The following DOCK2 variants were observed in gnomAD, a reference collection of about 807,000 sequenced individuals.
DOCK2 encodes dedicator of cytokinesis protein 2.
Under a neutral mutation model 248.9 loss-of-function variants are expected in DOCK2, and 87 were observed. The observed-to-expected ratio is 0.35, with a 90% confidence interval of 0.29 to 0.42. The LOEUF is 0.42. Ranked by LOEUF, DOCK2 falls within the 10% of genes least tolerant of loss-of-function variation. DOCK2 has a pLI of 1.00. For synonymous variants in DOCK2, 805 were observed against 821.6 expected, an observed-to-expected ratio of 0.98 and a Z score of 0.35; for missense variants, 1,747 against 2,300.2, an observed-to-expected ratio of 0.76 and a Z score of 4.92.
chr5:169,703,259 G>A (rs1394260988), intron 14 of DOCK2, among the ~76,000 whole-genome samples: 1 of 152,198 alleles, frequency 6.6e-6, no homozygotes, highest in African/African-American at 2.4e-5. Context: ...GAAGATGGAA[G>A]AGGCATCATT....
chr5:169,941,286 C>A (rs951316611), intron 27 of DOCK2, among the ~76,000 whole-genome samples: 2 of 152,164 alleles, frequency 1.3e-5, no homozygotes, highest in African/African-American at 4.8e-5. Flanking sequence ...CGGCTCACTA[C>A]AACCTCTGCC....
At chr5:169,667,445 G>A (rs989654063) in intron 2 of DOCK2, among the ~76,000 whole-genome samples, 4 of 152,234 alleles carry the variant, frequency 2.6e-5, no homozygotes, top group Admixed American at 1.3e-4. Flanking sequence ...AGGATTAAAT[G>A]AGAGAATGCC....
chr5:169,674,502 C>G (rs1759223242), intron 6 of DOCK2, 57 bp downstream of exon 6: 4 of 1,598,700 alleles, frequency 2.5e-6, no homozygotes, highest in Non-Finnish European at 8.5e-7. Context: ...CTCTTTCTTC[C>G]CTCTCTCCCC....
At chr5:169,725,618 A>G (rs1222529664) in intron 22 of DOCK2, among the ~76,000 whole-genome samples, 3 of 152,062 alleles carry the variant, frequency 2.0e-5, no homozygotes, top group Admixed American at 1.3e-4. Context: ...TCAGCTCATC[A>G]TTTACATTAG....
At chr5:170,047,733 T>A in intron 40 of DOCK2, 119 bp downstream of exon 40, 1 of 836,928 alleles carries the variant, frequency 1.2e-6, no homozygotes, top group Non-Finnish European at 1.8e-6. Context: ...TCTGTCTGAG[T>A]GCTGCCCCCA....
chr5:169,814,128 GATT>G (rs1434740442), intron 26 of DOCK2, among the ~76,000 whole-genome samples: 5 of 152,218 alleles, frequency 3.3e-5, no homozygotes, highest in African/African-American at 1.2e-4. Context: ...AGTATCCACT[GATT>G]AATGGCACAG....
chr5:170,047,734 G>C (rs1392917457), intron 40 of DOCK2, 120 bp downstream of exon 40: 2 of 822,836 alleles, frequency 2.4e-6, no homozygotes, highest in Non-Finnish European at 3.8e-6. Flanking sequence ...CTGTCTGAGT[G>C]CTGCCCCCAT....
chr5:169,850,664 C>T (rs368854801), intron 27 of DOCK2, among the ~76,000 whole-genome samples: 1 of 152,138 alleles, frequency 6.6e-6, no homozygotes, highest in South Asian at 2.1e-4. Flanking sequence ...TGCAAGTTTT[C>T]TGGAGGCGGA....
chr5:169,668,788 A>G (rs1438213836), intron 2 of DOCK2, among the ~76,000 whole-genome samples: 3 of 152,204 alleles, frequency 2.0e-5, no homozygotes, highest in Non-Finnish European at 1.5e-5. Context: ...ACTTTTGTAA[A>G]TCGCATTTTA....
intron 33 of DOCK2, among the ~76,000 whole-genome samples, chr5:170,023,896 C>G (rs1755815090): frequency 6.6e-6 from 1 of 152,176 alleles, no homozygotes; most frequent in Non-Finnish European, 1.5e-5. Flanking sequence ...TTCTACAGGG[C>G]TGGACTCCAA....
chr5:169,775,387 G>A (rs932514802), intron 25 of DOCK2, among the ~76,000 whole-genome samples: 5 of 152,180 alleles, frequency 3.3e-5, no homozygotes, highest in Admixed American at 2.6e-4. Context: ...GCAGGGCCAT[G>A]TCAATATGCA....
intron 26 of DOCK2, among the ~76,000 whole-genome samples, chr5:169,814,824 A>C (rs2113203774): frequency 6.6e-6 from 1 of 152,278 alleles, no homozygotes; most frequent in African/African-American, 2.4e-5. Flanking sequence ...AATTAGTGTA[A>C]AAACCTGATA....
At chr5:169,961,673 T>C (rs1048539167) in intron 27 of DOCK2, among the ~76,000 whole-genome samples, 2 of 151,980 alleles carry the variant, frequency 1.3e-5, no homozygotes, top group Non-Finnish European at 2.9e-5. Flanking sequence ...AAGTATAAAG[T>C]TTTTTAAGAA....
chr5:169,639,080 G>C (rs1757008689), intron 1 of DOCK2, among the ~76,000 whole-genome samples: 1 of 152,204 alleles, frequency 6.6e-6, no homozygotes. Flanking sequence ...AACCTTCAAA[G>C]TTTGGATTTC....
chr5:170,018,915 C>T (rs764979002), intron 32 of DOCK2, 45 bp from the exon 33 acceptor site: 21 of 1,598,168 alleles, frequency 1.3e-5, no homozygotes, highest in South Asian at 7.9e-5. Flanking sequence ...AGGACCTGTG[C>T]GTCGCCGAAC....
chr5:169,825,126 G>T (rs1414649650), intron 26 of DOCK2, among the ~76,000 whole-genome samples: 1 of 152,184 alleles, frequency 6.6e-6, no homozygotes, highest in African/African-American at 2.4e-5. Context: ...AACAACAGGT[G>T]CTGGGGAGGA....
intron 25 of DOCK2, among the ~76,000 whole-genome samples, chr5:169,776,113 T>C (rs1405359471): frequency 6.7e-6 from 1 of 148,960 alleles, no homozygotes; most frequent in Non-Finnish European, 1.5e-5. Flanking sequence ...CTCTCTTTTG[T>C]ATCATATATA....
At chr5:169,729,777 G>T (rs1287363882) in intron 22 of DOCK2, among the ~76,000 whole-genome samples, 3 of 152,112 alleles carry the variant, frequency 2.0e-5, no homozygotes, top group Non-Finnish European at 4.4e-5. Flanking sequence ...AGGGTGGGGG[G>T]TAGCAGAGTG....
chr5:170,050,179 C>T (rs773198588), intron 40 of DOCK2, 77 bp from the exon 41 acceptor site: 91 of 1,560,482 alleles, frequency 5.8e-5, no homozygotes, highest in Non-Finnish European at 7.1e-5. Context: ...GGTCATTTTA[C>T]AAGCTCCCCA....
Sources: allele counts gnomAD v4.1 joint callset (sites outside exome capture counted in the v4.1 genomes callset), GRCh38; gene constraint gnomAD v4.1.1; transcripts MANE v1.5; gene names NCBI Gene and HGNC (gene_info 2026-07-23, HGNC 2026-07-21).